The following STX19 variants were observed in gnomAD, a reference collection of about 807,000 sequenced individuals.
The protein encoded by STX19 is syntaxin-19.
STX19 carries 26 observed loss-of-function variants against 24.3 expected under a neutral mutation model. The ratio of observed to expected loss-of-function variants is 1.07; its 90% CI spans 0.78 to 1.48. The LOEUF is 1.48. Ranked by LOEUF, STX19 falls within the 40% of genes most tolerant of loss-of-function variation. The pLI is 0.00. For missense variants in STX19, 367 were observed against 331.9 expected (o/e 1.11, Z -0.82); for synonymous variants, 116 against 106.9 (o/e 1.09, Z -0.52).
At chr3:94,026,242 C>T (rs1576006997) in intron 1 of STX19, among the ~76,000 whole-genome samples, 2 of 152,044 alleles carry the variant, frequency 1.3e-5, no homozygotes, top group African/African-American at 2.4e-5. Flanking sequence ...GAGAAAACTT[C>T]GCTTTTTTAC....
chr3:94,028,164 A>G (rs1031243731), intron 1 of STX19, among the ~76,000 whole-genome samples: 3 of 152,102 alleles, frequency 2.0e-5, no homozygotes, highest in Admixed American at 6.5e-5. Flanking sequence ...ATCGTAGTCT[A>G]TTTTCAAGAG....
chr3:94,027,241 A>G (rs1317428255), intron 1 of STX19, among the ~76,000 whole-genome samples: 1 of 152,076 alleles, frequency 6.6e-6, no homozygotes, highest in African/African-American at 2.4e-5. Flanking sequence ...ATCTTATTGT[A>G]ATATATTAAC....
chr3:94,020,330 T>C (rs2076421288), intron 1 of STX19, among the ~76,000 whole-genome samples: 1 of 152,204 alleles, frequency 6.6e-6, no homozygotes, highest in Admixed American at 6.5e-5. Context: ...CTCTATTCTA[T>C]AGATAATGAA....
chr3:94,020,649 T>G (rs1168230723), intron 1 of STX19, among the ~76,000 whole-genome samples: 1 of 152,202 alleles, frequency 6.6e-6, no homozygotes, highest in South Asian at 2.1e-4. Context: ...TTTATAGATA[T>G]TAAAAGTTTA....
chr3:94,020,442 G>A (rs910064950), intron 1 of STX19, among the ~76,000 whole-genome samples: 4 of 152,164 alleles, frequency 2.6e-5, no homozygotes, highest in African/African-American at 7.2e-5. Context: ...CTCTTTATAC[G>A]ACAGTATAGC....
intron 1 of STX19, among the ~76,000 whole-genome samples, chr3:94,018,488 A>G (rs2076380278): frequency 6.6e-6 from 1 of 151,572 alleles, no homozygotes; most frequent in Admixed American, 6.6e-5. Flanking sequence ...GCTACTCCTT[A>G]TCTCCCCCAC....
intron 1 of STX19, among the ~76,000 whole-genome samples, chr3:94,026,335 G>A (rs1238554928): frequency 6.6e-6 from 1 of 152,084 alleles, no homozygotes; most frequent in Non-Finnish European, 1.5e-5. Flanking sequence ...AGAGAAAGAG[G>A]GAGTAACTTC....
chr3:94,015,372 G>T, intron 1 of STX19, 90 bp from the exon 2 acceptor site: 1 of 929,076 alleles, frequency 1.1e-6, no homozygotes, highest in Non-Finnish European at 1.5e-6. Context: ...CTATATCCCA[G>T]CAAAAGTTCT....
At chr3:94,024,115 A>G (rs2076506338) in intron 1 of STX19, among the ~76,000 whole-genome samples, 1 of 152,192 alleles carries the variant, frequency 6.6e-6, no homozygotes, top group Non-Finnish European at 1.5e-5. Flanking sequence ...TGTCACTATG[A>G]ATTGTTTTTT....
chr3:94,024,356 G>C (rs1041269460), intron 1 of STX19, among the ~76,000 whole-genome samples: 1 of 152,144 alleles, frequency 6.6e-6, no homozygotes, highest in African/African-American at 2.4e-5. Context: ...AGAGGCGAGA[G>C]AAAGAGAAAG....
intron 1 of STX19, among the ~76,000 whole-genome samples, chr3:94,023,109 G>A (rs2076484220): frequency 6.6e-6 from 1 of 151,570 alleles, no homozygotes; most frequent in African/African-American, 2.4e-5. Flanking sequence ...CCTTGATTTG[G>A]GAGTGTACCA....
chr3:94,023,639 T>G (rs2076495764), intron 1 of STX19, among the ~76,000 whole-genome samples: 1 of 152,150 alleles, frequency 6.6e-6, no homozygotes, highest in African/African-American at 2.4e-5. Context: ...GTGACTTGCC[T>G]AAGGCCACAC....
At chr3:94,018,372 G>A (rs1415553236) in intron 1 of STX19, among the ~76,000 whole-genome samples, 1 of 152,148 alleles carries the variant, frequency 6.6e-6, no homozygotes, top group African/African-American at 2.4e-5. Flanking sequence ...TAACCCATCA[G>A]CACTTAACAC....
At chr3:94,023,074 A>G (rs966659620) in intron 1 of STX19, among the ~76,000 whole-genome samples, 1 of 151,842 alleles carries the variant, frequency 6.6e-6, no homozygotes, top group Non-Finnish European at 1.5e-5. Context: ...TTGATTTCCA[A>G]TTCCTCACCT....
At chr3:94,022,369 A>G (rs1256265478) in intron 1 of STX19, among the ~76,000 whole-genome samples, 1 of 151,048 alleles carries the variant, frequency 6.6e-6, no homozygotes, top group African/African-American at 2.4e-5. Context: ...CAAGTGATCC[A>G]CCCGCCTCAG....
In STX19 at chr3:94,014,449, T is replaced by C; in HGVS notation, c.821A>G (p.Tyr274Cys). 1.9e-6 allele frequency: 3 copies of C among 1,598,200 alleles called. No homozygotes were observed. The highest frequency in any genetic ancestry group is 2.2e-5 in the East Asian group (1 of 44,804). ...TACTCTGCAAGGATTTCTTTTTTTG[T>C]ATTTTACAGCTAGTCCAAATTTCTC... ...TKEKFGLAVKYKKRNPCRVLC... is the reference protein window; with the variant it reads ...TKEKFGLAVKCKKRNPCRVLC... The change falls in exon 2 of 2, where the codon TAC (tyrosine) becomes TGC (cysteine). Residue 274 changes from tyrosine (Y) to cysteine (C), a missense_variant. By Grantham distance (194) the Tyr-to-Cys change is radical (BLOSUM62 -2). Coordinates refer to ENST00000315099, the MANE Select transcript of STX19 (RefSeq NM_001001850.3).
Position 94,022,154 on chromosome 3 carries a change from G to A in STX19, c.-14+6213C>T, listed in dbSNP as rs138728380. ...TTTATTTTTTTTGAGACAGAGTTTC[G>A]CTGTTGTCACCCAGGCTGGAGTGCA... On this transcript the variant is annotated intron_variant, in intron 1 of 1. Transcript: ENST00000315099. Among the ~76,000 whole-genome samples, 978 of 151,774 alleles carry A rather than the reference G, an allele frequency of 6.4e-3. 13 individuals carry two copies. The highest frequency in any genetic ancestry group is 0.022 in the African/African-American group (893 of 41,374).
At position 94,014,429 on chromosome 3, in the gene STX19, T is replaced by C. The variant is rs1465184139; in HGVS notation, c.841A>G (p.Arg281Gly). ...GGACAGCACCAACAACACAGTACTC[T>C]GCAAGGATTTCTTTTTTTGTATTTT... ...AVKYKKRNPC[R>G]VLCCWCCPCC... is the part of the protein sequence containing the mutation. Residue 281 changes from arginine (R) to glycine (G), a missense_variant, in exon 2 of 2, where the codon AGA (arginine) becomes GGA (glycine). Physicochemically the swap from Arg to Gly is moderately radical, Grantham distance 125 (BLOSUM62 -2). Coordinates refer to ENST00000315099, the MANE Select transcript of STX19 (RefSeq NM_001001850.3). 2.0e-5 allele frequency: 31 copies of C among 1,586,846 alleles called. No homozygotes were observed. Among genetic ancestry groups the C allele is most frequent in the Non-Finnish European group, 2.4e-5 (28 of 1,171,040 alleles).
At chr3:94,025,727 A>G (rs894150026) in intron 1 of STX19, among the ~76,000 whole-genome samples, 6 of 152,130 alleles carry the variant, frequency 3.9e-5, no homozygotes, top group African/African-American at 7.2e-5. Context: ...AGGTAGTATT[A>G]TGTAGGCCTA....
Sources: allele counts gnomAD v4.1 joint callset (sites outside exome capture counted in the v4.1 genomes callset), GRCh38; gene constraint gnomAD v4.1.1; transcripts MANE v1.5; gene names NCBI Gene and HGNC (gene_info 2026-07-23, HGNC 2026-07-21).